Variants in ARHGEF18 observed in about 807,000 individuals in gnomAD.
ARHGEF18 encodes the protein rho guanine nucleotide exchange factor 18.
A neutral mutation model predicts 155.7 loss-of-function variants in ARHGEF18; 93 were observed. The observed-to-expected ratio is 0.60, with a 90% CI of 0.50 to 0.71. The LOEUF (loss-of-function observed/expected upper bound fraction) is 0.71, where lower values mean the gene tolerates loss of function less well. Among genes scored for constraint, ARHGEF18 ranks in the 30% least tolerant of loss-of-function variants. ARHGEF18 has a pLI of 0.00. For missense variants in ARHGEF18, 1,593 were observed against 1,816.1 expected, an observed-to-expected ratio of 0.88 and a Z score of 2.23; for synonymous variants, 742 against 753.1, an observed-to-expected ratio of 0.99 and a Z score of 0.24.
chr19:7,409,129 G>C (rs113221301), intron 10 of ARHGEF18, among the ~76,000 whole-genome samples: 3,495 of 141,520 alleles, frequency 0.025, 137 homozygotes, highest in African/African-American at 0.089. Flanking sequence ...GCGTGTTCTC[G>C]GCTCACTGCA....
chr19:7,374,048 C>T (rs1191031437), intron 3 of ARHGEF18, among the ~76,000 whole-genome samples: 1 of 151,964 alleles, frequency 6.6e-6, no homozygotes, highest in Non-Finnish European at 1.5e-5. Flanking sequence ...GCATGAGTCA[C>T]CATGCCGGGC....
chr19:7,380,389 G>GA (rs1970672163), intron 7 of ARHGEF18, among the ~76,000 whole-genome samples: 1 of 151,198 alleles, frequency 6.6e-6, no homozygotes, highest in South Asian at 2.1e-4. Context: ...TGAGGCAGGA[G>GA]AATGGCGTGA....
At chr19:7,457,011 C>T (rs568205191) in intron 18 of ARHGEF18, among the ~76,000 whole-genome samples, 3 of 152,276 alleles carry the variant, frequency 2.0e-5, no homozygotes, top group African/African-American at 4.8e-5. Context: ...GATGGGATTA[C>T]AGTCGTGCGC....
intron 3 of ARHGEF18, among the ~76,000 whole-genome samples, chr19:7,373,799 C>G (rs751541933): frequency 6.6e-6 from 1 of 151,064 alleles, no homozygotes; most frequent in Non-Finnish European, 1.5e-5. Context: ...AGTGTGCAAC[C>G]TAGATCCCTC....
rs757308147 is a variant in ARHGEF18 at position 7,469,912 on chromosome 19, G to A, written c.3796G>A (p.Asp1266Asn). Residue 1266 changes from aspartate to asparagine, a missense_variant, in exon 28 of 29, where the codon GAC becomes AAC. Coordinates refer to ENST00000668164, the MANE Select transcript of ARHGEF18 (RefSeq NM_001367823.1). The stretch of plus-strand genomic sequence containing the variant: ...TACCTTCTCTCTTCCAGCGTCCTTC[G>A]ACCTGAAGCAGCAGCTGCTGCTCAA... Reference protein sequence around the residue: ...SQRWESSASFDLKQQLLLNKL... With the variant: ...SQRWESSASFNLKQQLLLNKL... The A allele has an allele frequency of 5.0e-6, 8 of 1,612,856 alleles. No homozygotes were observed. Among genetic ancestry groups the A allele is most frequent in the Admixed American group, 3.3e-5 (2 of 59,988 alleles).
chr19:7,381,966 T>C (rs1485610884), intron 8 of ARHGEF18, among the ~76,000 whole-genome samples: 10 of 152,110 alleles, frequency 6.6e-5, no homozygotes, highest in Admixed American at 3.3e-4. Flanking sequence ...GCCCAGGAAA[T>C]AGACCCTACC....
Position 7,470,177 on chromosome 19 carries a change from G to A in ARHGEF18, c.3965G>A (p.Gly1322Asp). Reference sequence around the variant, plus strand: ...CCGCCAGCTGACAGCCCCTCCGAGGGCTTCTCTCTCAAGGCCGGGGGCACA... The same window carrying A: ...CCGCCAGCTGACAGCCCCTCCGAGGACTTCTCTCTCAAGGCCGGGGGCACA... ...SPPPADSPSEGFSLKAGGTAL... is the reference protein window; with the variant it reads ...SPPPADSPSEDFSLKAGGTAL... The change falls in exon 29 of 29, where the codon GGC becomes GAC. Residue 1322 changes from glycine to aspartate, a missense_variant. Gly to Asp is a moderately conservative substitution (Grantham distance 94). Coordinates refer to ENST00000668164, the MANE Select transcript of ARHGEF18 (RefSeq NM_001367823.1). This position sits in a 1 kb window ranked among gnomAD's most constrained non-coding sequence, Gnocchi z 5.9. The A allele has an allele frequency of 6.2e-7, 1 of 1,612,086 alleles. No homozygotes were observed. Among genetic ancestry groups the A allele is most frequent in the South Asian group, 1.1e-5 (1 of 91,050 alleles).
At chr19:7,424,908 C>T (rs909747182) in intron 10 of ARHGEF18, among the ~76,000 whole-genome samples, 37 of 151,306 alleles carry the variant, frequency 2.4e-4, no homozygotes, top group African/African-American at 9.0e-4. Context: ...GCAGGAGAAT[C>T]GCTGGAACCC....
chr19:7,372,715 G>A, intron 2 of ARHGEF18, 97 bp from the exon 3 acceptor site: 1 of 1,172,608 alleles, frequency 8.5e-7, no homozygotes, highest in Non-Finnish European at 1.1e-6. Flanking sequence ...GGCAGGGTCT[G>A]GATGTTGGGA....
At position 7,372,942 on chromosome 19, in the gene ARHGEF18, C is replaced by A; in HGVS notation, c.146C>A (p.Thr49Asn). Residue 49 changes from threonine to asparagine, a missense_variant, in exon 3 of 29, where the codon ACC becomes AAC. Coordinates refer to ENST00000668164, the MANE Select transcript of ARHGEF18 (RefSeq NM_001367823.1). The stretch of plus-strand genomic sequence containing the variant: ...CCTTCCCACAGCCAGCCTGGGGAGA[C>A]CCCAGACAGCCGCCCCACCGGTGAA... Reference protein sequence around the residue: ...GAPSHSQPGETPDSRPTGEEP... With the variant: ...GAPSHSQPGENPDSRPTGEEP... 8.1e-7 allele frequency: 1 copy of A among 1,234,560 alleles called. No individual in the cohort carries two copies. The highest frequency in any genetic ancestry group is 1.0e-6 in the Non-Finnish European group (1 of 988,338). The allele number at this position is 1,234,560 out of a possible 1,614,324, so 76.5% of individuals were successfully genotyped here. A position where few individuals can be genotyped will look rare whatever the true frequency, so the allele number is the denominator to read the frequency against.
At chr19:7,380,254 G>A (rs530035460) in intron 7 of ARHGEF18, among the ~76,000 whole-genome samples, 119 of 151,940 alleles carry the variant, frequency 7.8e-4, no homozygotes, top group South Asian at 2.1e-3. Flanking sequence ...CAAGGCGGGC[G>A]GATCACGAGG....
intron 10 of ARHGEF18, among the ~76,000 whole-genome samples, chr19:7,383,699 T>C (rs1209720388): frequency 6.6e-6 from 1 of 152,048 alleles, no homozygotes; most frequent in Non-Finnish European, 1.5e-5. Flanking sequence ...CCAGCCATAT[T>C]GGATTAGGGG....
At chr19:7,461,018 A>G (rs1196765079) in intron 20 of ARHGEF18, among the ~76,000 whole-genome samples, 2 of 151,384 alleles carry the variant, frequency 1.3e-5, no homozygotes, top group Non-Finnish European at 2.9e-5. Flanking sequence ...CAATCTCTCG[A>G]CCTCGTGATC....
At chr19:7,380,876 G>C in intron 7 of ARHGEF18, 41 bp from the exon 8 acceptor site, 1 of 1,217,932 alleles carries the variant, frequency 8.2e-7, no homozygotes, top group Non-Finnish European at 1.0e-6. Context: ...AGTGGGAGAA[G>C]AGGCTGCCGA....
chr19:7,351,704 C>CTT (rs1206690292), intron 1 of ARHGEF18, among the ~76,000 whole-genome samples: 2 of 7,818 alleles, frequency 2.6e-4, no homozygotes, highest in Non-Finnish European at 5.3e-4. Context: ...CTCTCTCTCT[C>CTT]TTTTTTTTTT....
At chr19:7,385,930 CT>C in intron 10 of ARHGEF18, among the ~76,000 whole-genome samples, 1 of 96,054 alleles carries the variant, frequency 1.0e-5, no homozygotes, top group Non-Finnish European at 2.0e-5. Context: ...CTCTCTCTCT[CT>C]CTCTCCCCCT....
chr19:7,429,074 C>T (rs1973816737), intron 10 of ARHGEF18, among the ~76,000 whole-genome samples: 1 of 152,238 alleles, frequency 6.6e-6, no homozygotes, highest in Non-Finnish European at 1.5e-5. Context: ...CCCGGCCCCA[C>T]AGCTGGCCAG....
At position 7,453,727 on chromosome 19, in the gene ARHGEF18, C is replaced by T; in HGVS notation, c.2104+12C>T. On this transcript the variant is annotated intron_variant, in intron 17 of 28. Transcript: ENST00000668164. Reference sequence around the variant, plus strand: ...AGGGCGCTTGAAAGGTAAAGGCCTGCCCCTGCCCACCTCTAGTGGGTGCCA... The same window carrying T: ...AGGGCGCTTGAAAGGTAAAGGCCTGTCCCTGCCCACCTCTAGTGGGTGCCA... 1 of 1,532,202 alleles carries T rather than the reference C, an allele frequency of 6.5e-7. No homozygotes were observed. 94.9% of individuals were successfully genotyped at this position (1,532,202 alleles called of 1,614,324 possible).
At chr19:7,422,361 C>T (rs1037613869) in intron 10 of ARHGEF18, among the ~76,000 whole-genome samples, 1 of 151,946 alleles carries the variant, frequency 6.6e-6, no homozygotes. Context: ...CATGCCCCCC[C>T]GCCCCGCGCA....
Sources: allele counts gnomAD v4.1 joint callset (sites outside exome capture counted in the v4.1 genomes callset), GRCh38; gene constraint gnomAD v4.1.1; non-coding constraint Gnocchi (gnomAD v3.1); transcripts MANE v1.5; gene names NCBI Gene and HGNC (gene_info 2026-07-23, HGNC 2026-07-21).